Variants in SYNJ1 observed in about 807,000 individuals in gnomAD.
SYNJ1 encodes the protein polyphosphatidylinositol phosphatase SYNJ1.
A neutral mutation model predicts 168.2 loss-of-function variants in SYNJ1; 78 were observed. The observed-to-expected ratio is 0.46, with a 90% CI of 0.39 to 0.56. The LOEUF is 0.56. Among genes scored for constraint, SYNJ1 ranks in the 20% least tolerant of loss-of-function variants. The probability of loss-of-function intolerance (pLI) is 0.00; values close to 1 mark genes in which losing one functional copy is unlikely to be tolerated. For missense variants in SYNJ1, 1,303 were observed against 1,597.6 expected (o/e 0.82, Z 3.14); for synonymous variants, 539 against 548.6 (o/e 0.98, Z 0.24).
At position 32,653,302 on chromosome 21, in the gene SYNJ1, G is replaced by A. The variant is rs374794895; in HGVS notation, c.2860C>T (p.Leu954=). 7 of 1,613,212 alleles carry A rather than the reference G, an allele frequency of 4.3e-6. No homozygotes were observed. The highest frequency in any genetic ancestry group is 5.9e-6 in the Non-Finnish European group (7 of 1,179,420). The change falls in exon 22 of 33, where the codon CTA becomes TTA. Residue 954 remains leucine, a synonymous_variant. Transcript: ENST00000674351. ...EGSSALNVLS[L]NGKELLNRTI... is the part of the protein sequence containing the mutation. ...TGCTACCTTACCTCTTTACCATTTA[G>A]GCTCAGAACATTCAAGGCAGAGCTT...
chr21:32,710,479 T>A (rs1275790641), intron 2 of SYNJ1, among the ~76,000 whole-genome samples: 1 of 152,134 alleles, frequency 6.6e-6, no homozygotes, highest in Non-Finnish European at 1.5e-5. Flanking sequence ...TTTTCTCTAA[T>A]TACCCTAGAC....
At chr21:32,689,489 G>C (rs1396789806) in intron 6 of SYNJ1, among the ~76,000 whole-genome samples, 1 of 152,198 alleles carries the variant, frequency 6.6e-6, no homozygotes, top group African/African-American at 2.4e-5. Flanking sequence ...TAGAGACAGG[G>C]TTTCGCCATG....
chr21:32,663,952 G>A (rs1011039332), intron 18 of SYNJ1, among the ~76,000 whole-genome samples: 2 of 152,162 alleles, frequency 1.3e-5, no homozygotes, highest in Non-Finnish European at 2.9e-5. Flanking sequence ...ATGATGAAGG[G>A]CAAGTAGTTG....
At chr21:32,699,610 T>C (rs2042327780) in intron 4 of SYNJ1, among the ~76,000 whole-genome samples, 1 of 152,166 alleles carries the variant, frequency 6.6e-6, no homozygotes, top group Admixed American at 6.5e-5. Flanking sequence ...CCTGCTCATA[T>C]CTGACTGTCT....
Position 32,665,059 on chromosome 21 carries a change from A to G in SYNJ1, c.2158T>C (p.Phe720Leu). Reference sequence around the variant, plus strand: ...CACCAAAATACATAGTCATGGGAAAATAGCATCCTTCCCTGAAAGCAATGA... The same window carrying G: ...CACCAAAATACATAGTCATGGGAAAGTAGCATCCTTCCCTGAAAGCAATGA... ...KLSFPMGRML[F>L]SHDYVFWCGD... Residue 720 changes from phenylalanine (F) to leucine (L), a missense_variant, in exon 18 of 33, where the codon TTT (phenylalanine) becomes CTT (leucine). Coordinates refer to ENST00000674351, the MANE Select transcript of SYNJ1 (RefSeq NM_203446.3). 1 of 1,594,612 alleles carries G rather than the reference A, an allele frequency of 6.3e-7. No individual in the cohort carries two copies. The highest frequency in any genetic ancestry group is 8.5e-7 in the Non-Finnish European group (1 of 1,170,100).
intron 8 of SYNJ1, 90 bp from the exon 9 acceptor site, chr21:32,686,007 A>G: frequency 7.3e-7 from 1 of 1,368,718 alleles, no homozygotes; most frequent in South Asian, 1.4e-5. Context: ...GACACTGGCA[A>G]TAAATCTTTT....
At chr21:32,655,855 G>C (rs989897990) in intron 21 of SYNJ1, among the ~76,000 whole-genome samples, 1 of 152,094 alleles carries the variant, frequency 6.6e-6, no homozygotes, top group Non-Finnish European at 1.5e-5. Context: ...ACAGGCATCT[G>C]GTTCTGCAAA....
chr21:32,723,947 A>G (rs1042049676), intron 2 of SYNJ1, among the ~76,000 whole-genome samples: 10 of 152,238 alleles, frequency 6.6e-5, no homozygotes, highest in Non-Finnish European at 4.4e-5. Flanking sequence ...TTATGAAGGA[A>G]GAAGACCTGA....
intron 7 of SYNJ1, among the ~76,000 whole-genome samples, chr21:32,687,940 A>C (rs535903904): frequency 6.6e-6 from 1 of 152,066 alleles, no homozygotes; most frequent in Non-Finnish European, 1.5e-5. Flanking sequence ...TTTACTAATG[A>C]GATACCTTAC....
At chr21:32,655,374 C>G (rs1329442301) in intron 21 of SYNJ1, among the ~76,000 whole-genome samples, 3 of 152,142 alleles carry the variant, frequency 2.0e-5, no homozygotes, top group Non-Finnish European at 4.4e-5. Context: ...CTTTCAAGAA[C>G]CTTAAGATTT....
In SYNJ1 at chr21:32,630,970, A is replaced by G. The variant is rs766057135; in HGVS notation, c.*835T>C. 2.5e-6 allele frequency: 4 copies of G among 1,591,618 alleles called. No individual in the cohort carries two copies. In the South Asian group the frequency reaches 3.4e-5, roughly 14 times the overall value. On this transcript the variant is annotated 3_prime_UTR_variant, in exon 33 of 33. Transcript: ENST00000674351. ...TAGCTCTATCCTGCCAAAAGCAAGT[A>G]CCCACTGTTTTCTATTGCATGGCGT...
At chr21:32,631,945 C>T (rs553456708) in intron 32 of SYNJ1, 144 bp from the exon 33 acceptor site, 6 of 703,648 alleles carry the variant, frequency 8.5e-6, no homozygotes, top group Admixed American at 3.1e-5. Flanking sequence ...TTTGTTACTC[C>T]GGTGGTTTAA....
At chr21:32,672,349 T>C (rs2041238811) in intron 14 of SYNJ1, among the ~76,000 whole-genome samples, 1 of 152,018 alleles carries the variant, frequency 6.6e-6, no homozygotes, top group Non-Finnish European at 1.5e-5. Flanking sequence ...TTTTTTTGTT[T>C]TTTTGTTTTT....
chr21:32,686,217 A>T (rs1276338330), intron 8 of SYNJ1, among the ~76,000 whole-genome samples: 1 of 152,218 alleles, frequency 6.6e-6, no homozygotes, highest in Non-Finnish European at 1.5e-5. Flanking sequence ...AAAGACTGAA[A>T]GATTCATATT....
rs184110321 is a variant in SYNJ1 at position 32,701,827 on chromosome 21, T to C, written c.211+134A>G. ...ATTATCACAATATTAGCTACATTAA[T>C]GTTTAAAAGATGTTAGCACATGTGT... On this transcript the variant is annotated intron_variant, in intron 3 of 32. Transcript: ENST00000674351. The C allele has an allele frequency of 1.1e-3, 626 of 593,224 alleles. 3 individuals are homozygous for C. The East Asian group carries it at 0.016, about 15-fold the overall frequency. 36.7% of individuals were successfully genotyped at this position (593,224 alleles called of 1,614,324 possible).
At chr21:32,712,147 G>T (rs1412812296) in intron 2 of SYNJ1, among the ~76,000 whole-genome samples, 1 of 152,138 alleles carries the variant, frequency 6.6e-6, no homozygotes, top group East Asian at 1.9e-4. Context: ...GCTAAAGAAG[G>T]TCAATAACAA....
At chr21:32,687,625 T>C (rs772924817) in intron 7 of SYNJ1, among the ~76,000 whole-genome samples, 3 of 152,206 alleles carry the variant, frequency 2.0e-5, no homozygotes, top group Non-Finnish European at 4.4e-5. Flanking sequence ...TTTATAAACA[T>C]GAAATTAATT....
intron 6 of SYNJ1, among the ~76,000 whole-genome samples, chr21:32,692,414 T>C (rs1051787187): frequency 7.2e-5 from 11 of 151,840 alleles, no homozygotes; most frequent in Non-Finnish European, 1.2e-4. Context: ...CCATTTCTAC[T>C]AAAAATAAAA....
At chr21:32,719,994 C>G (rs1427693715) in intron 2 of SYNJ1, among the ~76,000 whole-genome samples, 2 of 152,024 alleles carry the variant, frequency 1.3e-5, no homozygotes, top group Non-Finnish European at 2.9e-5. Context: ...AATCCCAGGA[C>G]TTTGGAAGGC....
Sources: gnomAD v4.1 joint callset for allele counts (sites outside exome capture counted in the v4.1 genomes callset) on GRCh38, gnomAD v4.1.1 for gene constraint, MANE v1.5 for transcripts, NCBI Gene and HGNC (gene_info 2026-07-23, HGNC 2026-07-21) for gene names.